TGFBR1: variants seen among roughly 807,000 people sequenced by gnomAD.
The protein encoded by TGFBR1 is TGF-beta receptor type-1.
Under a neutral mutation model 55.1 loss-of-function variants are expected in TGFBR1, and 20 were observed. The observed-to-expected ratio is 0.36, with a 90% confidence interval of 0.26 to 0.53. TGFBR1 has a LOEUF of 0.53. Ranked by LOEUF, TGFBR1 falls within the 20% of genes least tolerant of loss-of-function variation. The pLI is 0.91. For synonymous variants in TGFBR1, 220 were observed against 214.8 expected, an observed-to-expected ratio of 1.02 and a Z score of -0.21; for missense variants, 385 against 617.6, an observed-to-expected ratio of 0.62 and a Z score of 3.99.
At chr9:99,130,360 G>A (rs903533069) in intron 2 of TGFBR1, among the ~76,000 whole-genome samples, 1 of 152,192 alleles carries the variant, frequency 6.6e-6, no homozygotes, top group African/African-American at 2.4e-5. Context: ...TCCAGGCCTT[G>A]TGCTAATTAA....
chr9:99,132,458 A>C (rs1827264158), intron 2 of TGFBR1, 51 bp from the exon 3 acceptor site: 9 of 1,608,840 alleles, frequency 5.6e-6, no homozygotes, highest in Non-Finnish European at 7.6e-6. Flanking sequence ...GTTGCCACCT[A>C]CAGTGTTTTT....
At position 99,151,459 on chromosome 9, in the gene TGFBR1, A is replaced by G. The variant is rs201153037; in HGVS notation, c.*2154A>G. ...AAGCCTACCAGATCTGCTTTATGAA[A>G]TCCAGGGGACCAATGCATTTTATCA... On this transcript the variant is annotated 3_prime_UTR_variant, in exon 9 of 9. Coordinates refer to ENST00000374994, the MANE Select transcript of TGFBR1 (RefSeq NM_004612.4). 8.7e-6 allele frequency: 2 copies of G among 230,028 alleles called. No homozygotes were observed. The highest frequency in any genetic ancestry group is 1.7e-5 in the Non-Finnish European group (2 of 116,792). The allele number at this position is 230,028 out of a possible 1,614,324, so 14.2% of individuals were successfully genotyped here.
chr9:99,133,769 G>C (rs570453241), intron 3 of TGFBR1, among the ~76,000 whole-genome samples: 96 of 152,238 alleles, frequency 6.3e-4, no homozygotes, highest in South Asian at 5.2e-3. Context: ...CTAAATTCAT[G>C]AATAAAGTGA....
At position 99,151,098 on chromosome 9, in the gene TGFBR1, T is replaced by C. The variant is rs957550146; in HGVS notation, c.*1793T>C. 4 of 228,600 alleles carry C rather than the reference T, an allele frequency of 1.7e-5. No homozygotes were observed. The East Asian group carries it at 2.5e-4, about 14-fold the overall frequency. 14.2% of individuals were successfully genotyped at this position (228,600 alleles called of 1,614,324 possible). A position where few individuals can be genotyped will look rare whatever the true frequency, so the allele number is the denominator to read the frequency against. On this transcript the variant is annotated 3_prime_UTR_variant, in exon 9 of 9. Coordinates refer to ENST00000374994, the MANE Select transcript of TGFBR1 (RefSeq NM_004612.4). ...TTGCATTCTGATAATGTCTTATCTCTTATACGTAGAATAAATTTGAAAGAC... is the reference window on the plus strand; with the variant it reads ...TTGCATTCTGATAATGTCTTATCTCCTATACGTAGAATAAATTTGAAAGAC...
intron 6 of TGFBR1, 42 bp downstream of exon 6, chr9:99,144,930 C>T (rs747496890): frequency 1.2e-6 from 2 of 1,602,334 alleles, no homozygotes; most frequent in South Asian, 2.2e-5. Context: ...TCTGAAATCA[C>T]CTTTTTTCCC....
intron 5 of TGFBR1, among the ~76,000 whole-genome samples, chr9:99,144,508 C>T (rs1409116886): frequency 2.6e-5 from 4 of 152,052 alleles, no homozygotes; most frequent in Non-Finnish European, 5.9e-5. Context: ...AGTTGTTCAT[C>T]TTTTAAAGCA....
At chr9:99,111,295 CTTTTTTTTTTTTTT>C (rs3034196) in intron 1 of TGFBR1, among the ~76,000 whole-genome samples, 1 of 55,152 alleles carries the variant, frequency 1.8e-5, no homozygotes, top group Non-Finnish European at 3.3e-5. Flanking sequence ...TGCACCCATG[CTTTTTTTTTTTTTT>C]TTTTTTTTTT....
intron 1 of TGFBR1, among the ~76,000 whole-genome samples, chr9:99,118,461 GATT>G (rs938031988): frequency 6.6e-6 from 1 of 151,858 alleles, no homozygotes; most frequent in African/African-American, 2.4e-5. Flanking sequence ...TATTTAATCT[GATT>G]ATTTCAGAAT....
intron 3 of TGFBR1, among the ~76,000 whole-genome samples, chr9:99,133,792 C>T (rs907960922): frequency 1.3e-5 from 2 of 151,898 alleles, no homozygotes; most frequent in Non-Finnish European, 2.9e-5. Flanking sequence ...ATTTGTAAAG[C>T]GTATATAATG....
At chr9:99,131,921 T>A (rs1197798597) in intron 2 of TGFBR1, among the ~76,000 whole-genome samples, 6 of 150,518 alleles carry the variant, frequency 4.0e-5, no homozygotes, top group African/African-American at 1.5e-4. Context: ...TGAGCCAACA[T>A]CATACCACTG....
intron 1 of TGFBR1, chr9:99,128,122 T>C (rs1392379881): frequency 1.5e-5 from 6 of 402,976 alleles, no homozygotes; most frequent in Non-Finnish European, 2.5e-5. Context: ...AGGTCACTCC[T>C]GGGGTTGAGC....
intron 1 of TGFBR1, among the ~76,000 whole-genome samples, chr9:99,110,837 G>T (rs1826544352): frequency 6.6e-6 from 1 of 152,212 alleles, no homozygotes; most frequent in Non-Finnish European, 1.5e-5. Context: ...TGCTGTTAAT[G>T]AAAGGTGGAG....
intron 3 of TGFBR1, among the ~76,000 whole-genome samples, chr9:99,134,842 AT>A (rs1827382014): frequency 1.0e-4 from 10 of 99,364 alleles, no homozygotes; most frequent in Admixed American, 2.1e-4. Context: ...ATATATATAT[AT>A]ATATATATAT....
rs200240411 is a variant in TGFBR1 at position 99,151,923 on chromosome 9, C to G, written c.*2618C>G. 3 of 201,690 alleles carry G rather than the reference C, an allele frequency of 1.5e-5. No individual in the cohort carries two copies. Among genetic ancestry groups the G allele is most frequent in the Non-Finnish European group, 3.1e-5 (3 of 98,018 alleles). 12.5% of individuals were successfully genotyped at this position (201,690 alleles called of 1,614,324 possible). On this transcript the variant is annotated 3_prime_UTR_variant, in exon 9 of 9. Transcript: ENST00000374994. The stretch of plus-strand genomic sequence containing the variant: ...CCTAGGATGCTCACCTTCCAAGATT[C>G]AACGTGGCTAAAACATCTTCTGGTA...
intron 1 of TGFBR1, among the ~76,000 whole-genome samples, chr9:99,111,480 T>A (rs1214308681): frequency 6.6e-6 from 1 of 151,812 alleles, no homozygotes; most frequent in African/African-American, 2.4e-5. Context: ...TAACAAAAAA[T>A]TAGCTGGACG....
chr9:99,114,389 C>T (rs1317818372), intron 1 of TGFBR1, among the ~76,000 whole-genome samples: 1 of 152,180 alleles, frequency 6.6e-6, no homozygotes, highest in African/African-American at 2.4e-5. Flanking sequence ...CATTGCCTAT[C>T]GAGAATTCAT....
intron 2 of TGFBR1, among the ~76,000 whole-genome samples, chr9:99,131,966 C>T (rs1401216583): frequency 2.1e-5 from 3 of 145,182 alleles, no homozygotes; most frequent in East Asian, 2.0e-4. Context: ...GAAAATCCAT[C>T]TCAAAAAAAA....
chr9:99,128,206 C>G (rs548027284), intron 1 of TGFBR1, among the ~76,000 whole-genome samples: 4 of 152,202 alleles, frequency 2.6e-5, no homozygotes, highest in Admixed American at 1.3e-4. Context: ...GTTAGGTTGC[C>G]TATGTGGTTG....
At position 99,117,934 on chromosome 9, in the gene TGFBR1, G is replaced by A. The variant is rs540431468; in HGVS notation, c.98-10921G>A. Among the ~76,000 whole-genome samples, 3 of 152,218 alleles carry A rather than the reference G, an allele frequency of 2.0e-5. No homozygotes were observed. In the South Asian group the frequency reaches 6.2e-4, roughly 32 times the overall value. On this transcript the variant is annotated intron_variant, in intron 1 of 8. Coordinates refer to ENST00000374994, the MANE Select transcript of TGFBR1 (RefSeq NM_004612.4). ...TTTATGGAATATTGACCTCTTTACAGTATTGAATCTTCCAGTTAGGAACTT... is the reference window on the plus strand; with the variant it reads ...TTTATGGAATATTGACCTCTTTACAATATTGAATCTTCCAGTTAGGAACTT...
Sources: allele counts gnomAD v4.1 joint callset (sites outside exome capture counted in the v4.1 genomes callset), GRCh38; gene constraint gnomAD v4.1.1; transcripts MANE v1.5; gene names NCBI Gene and HGNC (gene_info 2026-07-23, HGNC 2026-07-21).